Variants in OSBP observed in about 807,000 individuals in gnomAD.
The protein encoded by OSBP is oxysterol binding protein.
Under a neutral mutation model 96.6 loss-of-function variants are expected in OSBP, and 32 were observed. That is an observed-to-expected ratio of 0.33 (90% confidence interval 0.25 to 0.45). OSBP has a LOEUF of 0.45. Among genes scored for constraint, OSBP ranks in the 20% least tolerant of loss-of-function variants. OSBP has a pLI of 1.00. For missense variants in OSBP, 653 were observed against 1,029.7 expected, an observed-to-expected ratio of 0.63 and a Z score of 5.01; for synonymous variants, 369 against 389.6, an observed-to-expected ratio of 0.95 and a Z score of 0.62.
chr11:59,598,363 T>C (rs961108454), intron 7 of OSBP, among the ~76,000 whole-genome samples: 7 of 152,146 alleles, frequency 4.6e-5, no homozygotes, highest in African/African-American at 1.2e-4. Context: ...TTCTGTATTT[T>C]TGTAGGCTTA....
intron 7 of OSBP, among the ~76,000 whole-genome samples, chr11:59,598,210 T>C (rs1263226267): frequency 1.3e-5 from 2 of 152,222 alleles, no homozygotes; most frequent in Non-Finnish European, 2.9e-5. Flanking sequence ...ATTTGCTAAA[T>C]GATTTATACA....
chr11:59,587,308 C>G (rs944968845), intron 9 of OSBP, among the ~76,000 whole-genome samples: 2 of 152,060 alleles, frequency 1.3e-5, no homozygotes, highest in African/African-American at 4.8e-5. Flanking sequence ...CAAGACCAGC[C>G]TGACCAACAT....
At chr11:59,579,501 T>G (rs1013660014) in intron 11 of OSBP, among the ~76,000 whole-genome samples, 2 of 151,538 alleles carry the variant, frequency 1.3e-5, no homozygotes, top group Non-Finnish European at 2.9e-5. Context: ...GCCCGGCTAA[T>G]TTTGTATTTT....
intron 3 of OSBP, among the ~76,000 whole-genome samples, chr11:59,606,627 C>A (rs1238857217): frequency 6.6e-6 from 1 of 152,184 alleles, no homozygotes; most frequent in Admixed American, 6.6e-5. Context: ...CAAACCTCAG[C>A]ATCACGCAAT....
chr11:59,579,478 C>A lies in OSBP; in HGVS notation c.1878+696G>T, dbSNP rs557688495. 5.3e-5 allele frequency among the ~76,000 whole-genome samples: 8 copies of A among 151,856 alleles called. No homozygotes were observed. The South Asian group carries it at 1.7e-3, about 32-fold the overall frequency. ...CCTCCCGAGTAGCTGGGATTTCAGG[C>A]ATATGCCACCATGCCCGGCTAATTT... On this transcript the variant is annotated intron_variant, in intron 11 of 13. Transcript: ENST00000263847.
chr11:59,603,353 G>A (rs1860743903), intron 3 of OSBP, among the ~76,000 whole-genome samples: 1 of 152,182 alleles, frequency 6.6e-6, no homozygotes, highest in South Asian at 2.1e-4. Context: ...GAAGCTAAAA[G>A]GTAAACAGGA....
At chr11:59,597,174 T>A (rs1219694082) in intron 7 of OSBP, among the ~76,000 whole-genome samples, 5 of 152,024 alleles carry the variant, frequency 3.3e-5, no homozygotes, top group Non-Finnish European at 7.4e-5. Context: ...TTCTCCTGCC[T>A]CAGCCTCCCA....
At chr11:59,596,095 A>G (rs1860651259) in intron 7 of OSBP, among the ~76,000 whole-genome samples, 1 of 151,914 alleles carries the variant, frequency 6.6e-6, no homozygotes, top group African/African-American at 2.4e-5. Context: ...AGCCAACAAC[A>G]CTCATCCTTT....
intron 3 of OSBP, among the ~76,000 whole-genome samples, chr11:59,603,710 T>C (rs1341014418): frequency 6.6e-6 from 1 of 151,964 alleles, no homozygotes; most frequent in Non-Finnish European, 1.5e-5. Flanking sequence ...CTAATTTTTG[T>C]AGTTAATATA....
chr11:59,600,912 C>A, intron 5 of OSBP, 39 bp from the exon 6 acceptor site: 3 of 1,559,214 alleles, frequency 1.9e-6, no homozygotes, highest in East Asian at 2.2e-5. Context: ...AGAACAAAGA[C>A]CAGAACTAGA....
chr11:59,578,075 G>A, intron 12 of OSBP, 74 bp downstream of exon 12: 6 of 1,382,522 alleles, frequency 4.3e-6, no homozygotes, highest in Non-Finnish European at 6.1e-6. Context: ...GAGAGGGCAG[G>A]CAGAAATGCC....
At chr11:59,584,304 CCT>C in intron 9 of OSBP, among the ~76,000 whole-genome samples, 1 of 152,192 alleles carries the variant, frequency 6.6e-6, no homozygotes, top group African/African-American at 2.4e-5. Context: ...GCCAGCACTC[CCT>C]GACACTAAAG....
At position 59,580,039 on chromosome 11, in the gene OSBP, A is replaced by G; in HGVS notation, c.1878+135T>C. 3 of 696,550 alleles carry G rather than the reference A, an allele frequency of 4.3e-6. No individual in the cohort carries two copies. In the South Asian group the frequency reaches 4.7e-5, roughly 11 times the overall value. 43.1% of individuals were successfully genotyped at this position (696,550 alleles called of 1,614,324 possible). Reference sequence around the variant, plus strand: ...TCACCTCTACTTTTTTTGAATCACTATATGTACACATACACTATATAAAAT... The same window carrying G: ...TCACCTCTACTTTTTTTGAATCACTGTATGTACACATACACTATATAAAAT... On this transcript the variant is annotated intron_variant, in intron 11 of 13. Coordinates refer to ENST00000263847, the MANE Select transcript of OSBP (RefSeq NM_002556.3).
intron 9 of OSBP, among the ~76,000 whole-genome samples, chr11:59,583,671 T>C (rs1175449751): frequency 7.5e-6 from 1 of 133,688 alleles, no homozygotes; most frequent in Admixed American, 8.6e-5. Context: ...CGAGATGGAG[T>C]CTTGCTCTGT....
chr11:59,601,229 C>T (rs1463722451), intron 5 of OSBP, 54 bp downstream of exon 5: 2 of 978,178 alleles, frequency 2.0e-6, no homozygotes, highest in Admixed American at 1.7e-5. Context: ...TAAAATACCA[C>T]CATATTGATG....
At chr11:59,613,131 T>C (rs1355818805) in intron 1 of OSBP, among the ~76,000 whole-genome samples, 2 of 152,144 alleles carry the variant, frequency 1.3e-5, no homozygotes, top group Non-Finnish European at 2.9e-5. Context: ...AAAAATAAAC[T>C]GCCAGTATAC....
At chr11:59,610,275 G>C (rs912376836) in intron 2 of OSBP, 106 bp downstream of exon 2, 2 of 965,486 alleles carry the variant, frequency 2.1e-6, no homozygotes. Flanking sequence ...GAGACCTCTA[G>C]GAAATAGGTG....
In OSBP at chr11:59,600,508, C is replaced by T. The variant is rs772232679; in HGVS notation, c.1299G>A (p.Lys433=). 5 of 1,613,940 alleles carry T rather than the reference C, an allele frequency of 3.1e-6. No individual in the cohort carries two copies. The East Asian group carries it at 1.1e-4, about 36-fold the overall frequency. The change falls in exon 7 of 14, where the codon AAG becomes AAA. Residue 433 remains lysine, a synonymous_variant. Transcript: ENST00000263847. The part of the protein sequence containing the change: ...MKNCIGKELS[K]IPMPVNFNEP... ...GCAAGAACCTTACCGGCATGGGGAT[C>T]TTAGAGAGTTCTTTTCCAATGCAGT...
chr11:59,582,449 C>T (rs2134653516), intron 9 of OSBP, among the ~76,000 whole-genome samples: 1 of 152,218 alleles, frequency 6.6e-6, no homozygotes, highest in Middle Eastern at 3.4e-3. Flanking sequence ...TGCCCTGATC[C>T]CATGGAGACA....
Sources: allele counts gnomAD v4.1 joint callset (sites outside exome capture counted in the v4.1 genomes callset), GRCh38; gene constraint gnomAD v4.1.1; transcripts MANE v1.5; gene names NCBI Gene and HGNC (gene_info 2026-07-23, HGNC 2026-07-21).